OXR1: variants seen among roughly 807,000 people sequenced by gnomAD.
OXR1 encodes oxidation resistance protein 1.
OXR1 carries 41 observed loss-of-function variants against 104.6 expected under a neutral mutation model. The observed-to-expected ratio is 0.39, with a 90% CI of 0.31 to 0.51. The LOEUF (loss-of-function observed/expected upper bound fraction) is 0.51, where lower values mean the gene tolerates loss of function less well. OXR1 is among the 20% of genes least tolerant of loss of function. OXR1 has a pLI of 0.77. For synonymous variants in OXR1, 348 were observed against 348.4 expected, an observed-to-expected ratio of 1.00 and a Z score of 0.01; for missense variants, 955 against 1,031.9, an observed-to-expected ratio of 0.93 and a Z score of 1.02.
Position 106,316,168 on chromosome 8 carries a change from T to C in OXR1, c.-138-43308T>C, listed in dbSNP as rs552431154. On this transcript the variant is annotated intron_variant, in intron 1 of 16. Transcript: ENST00000517566. The stretch of plus-strand genomic sequence containing the variant: ...GAAGAATCTGACAATTTCAGAAATA[T>C]AGGCACACATATCAGATGATTATAT... 8.5e-5 allele frequency among the ~76,000 whole-genome samples: 13 copies of C among 152,310 alleles called. No homozygotes were observed. In the South Asian group the frequency reaches 2.3e-3, roughly 27 times the overall value.
In OXR1 at chr8:106,706,394, G is replaced by C; in HGVS notation, c.873G>C (p.Gln291His). 1 of 1,570,644 alleles carries C rather than the reference G, an allele frequency of 6.4e-7. No individual in the cohort carries two copies. ...TGTTTAATGACAGAGATATAGATCA[G>C]CTATCAGGAAGGGACTTCTGCCATT... Reference protein sequence around the residue: ...IKESLPIDIDQLSGRDFCHSK... With the variant: ...IKESLPIDIDHLSGRDFCHSK... Residue 291 changes from glutamine (Q) to histidine (H), a missense_variant, in exon 9 of 17, where the codon CAG becomes CAC. By Grantham distance (24) the Gln-to-His change is conservative. Around this residue, in one of 2 missense-constraint regions of OXR1, gnomAD observed 849 missense variants for 852.9 expected, o/e 1.00. Coordinates refer to ENST00000517566, the MANE Select transcript of OXR1 (RefSeq NM_001198533.2).
chr8:106,362,774 G>A (rs1816299826), intron 2 of OXR1, among the ~76,000 whole-genome samples: 1 of 152,156 alleles, frequency 6.6e-6, no homozygotes, highest in Non-Finnish European at 1.5e-5. Flanking sequence ...CTAATCTGAG[G>A]GAAAGAATTG....
chr8:106,584,577 C>T (rs897809179), intron 3 of OXR1, among the ~76,000 whole-genome samples: 5 of 151,966 alleles, frequency 3.3e-5, no homozygotes, highest in East Asian at 1.9e-4. Flanking sequence ...CTAGAAGCTA[C>T]GAAGTAAGAG....
rs190369312 is a variant in OXR1, at chr8:106,419,777, C to T, written c.23+60141C>T. On this transcript the variant is annotated intron_variant, in intron 2 of 16. Coordinates refer to ENST00000517566, the MANE Select transcript of OXR1 (RefSeq NM_001198533.2). ...GCCAGTCCCTCTGCAGTAGTATTAG[C>T]TGACAGTTTTATTTTATTTTATGGA... Among the ~76,000 whole-genome samples, 76 of 152,220 alleles carry T rather than the reference C, an allele frequency of 5.0e-4. 2 individuals are homozygous for T. The highest frequency in any genetic ancestry group is 4.6e-3 in the Admixed American group (70 of 15,274).
rs781102577 is a variant in OXR1, at chr8:106,745,884, CTA to C, written c.2486+24_2486+25del. ...GAGGGTAAGTCTCTTGAACATTTCA[CTA>C]TGAGATTTTTGAAGAACTTTAAAAA... On this transcript the variant is annotated intron_variant, in intron 16 of 16. Transcript: ENST00000517566. 6 of 1,355,058 alleles carry C rather than the reference CTA, an allele frequency of 4.4e-6. No homozygotes were observed. In the Admixed American group the frequency reaches 7.5e-5, roughly 17 times the overall value. 83.9% of individuals were successfully genotyped at this position (1,355,058 alleles called of 1,614,324 possible).
chr8:106,405,953 T>C (rs1320037160), intron 2 of OXR1, among the ~76,000 whole-genome samples: 1 of 152,244 alleles, frequency 6.6e-6, no homozygotes, highest in Non-Finnish European at 1.5e-5. Flanking sequence ...AACAAAAGAC[T>C]AATCAACATT....
Position 106,359,645 on chromosome 8 carries a change from A to G in OXR1, c.23+9A>G, listed in dbSNP as rs2130337853. On this transcript the variant is annotated intron_variant, in intron 2 of 16. Coordinates refer to ENST00000517566, the MANE Select transcript of OXR1 (RefSeq NM_001198533.2). ...GTGTCTAATCTATCATGGTGAGTGA[A>G]TGGTTTTCTTGCCTTAAATGTAAAT... is the stretch of plus-strand genomic sequence containing the variant. 1 of 1,540,620 alleles carries G rather than the reference A, an allele frequency of 6.5e-7. No homozygotes were observed. The highest frequency in any genetic ancestry group is 8.8e-7 in the Non-Finnish European group (1 of 1,136,670).
chr8:106,618,283 C>G (rs1173746550), intron 3 of OXR1: 1 of 946,536 alleles, frequency 1.1e-6, no homozygotes, highest in African/African-American at 1.6e-5. Flanking sequence ...TTTTCAAAGT[C>G]CAGATGAGCT....
intron 3 of OXR1, among the ~76,000 whole-genome samples, chr8:106,598,228 T>C (rs1178242738): frequency 3.3e-5 from 5 of 152,200 alleles, no homozygotes; most frequent in African/African-American, 7.2e-5. Context: ...TTCTCCCCTT[T>C]TTGAATTTTT....
chr8:106,732,666 T>G (rs1406959514), intron 11 of OXR1, among the ~76,000 whole-genome samples: 2 of 152,194 alleles, frequency 1.3e-5, no homozygotes, highest in African/African-American at 4.8e-5. Context: ...ACCATGTTGA[T>G]GTAATAGATT....
chr8:106,473,807 A>C (rs910513331), intron 2 of OXR1, among the ~76,000 whole-genome samples: 1 of 150,376 alleles, frequency 6.6e-6, no homozygotes, highest in Non-Finnish European at 1.5e-5. Context: ...TCTTAAGAAA[A>C]ATCAGATACG....
At chr8:106,747,448 C>G (rs1227110482) in intron 16 of OXR1, among the ~76,000 whole-genome samples, 1 of 152,172 alleles carries the variant, frequency 6.6e-6, no homozygotes, top group Non-Finnish European at 1.5e-5. Context: ...AGAATTCTGC[C>G]TGCAGTATCA....
At position 106,359,542 on chromosome 8, in the gene OXR1, G is replaced by C. The variant is rs980558390; in HGVS notation, c.-72G>C. The C allele has an allele frequency of 3.5e-6, 4 of 1,159,138 alleles. No homozygotes were observed. The highest frequency in any genetic ancestry group is 5.1e-6 in the Non-Finnish European group (4 of 788,792). 71.8% of individuals were successfully genotyped at this position (1,159,138 alleles called of 1,614,324 possible). On this transcript the variant is annotated 5_prime_UTR_variant, in exon 2 of 17. Transcript: ENST00000517566. ...TCCAGAAGCAAAGCTAAAATTTTTA[G>C]CGGTGTTGTCGACTTGACCTGCTAA...
At chr8:106,312,522 G>A (rs1813750110) in intron 1 of OXR1, among the ~76,000 whole-genome samples, 1 of 152,156 alleles carries the variant, frequency 6.6e-6, no homozygotes, top group South Asian at 2.1e-4. Context: ...GGAAGAGGTG[G>A]TACAGGGATA....
At chr8:106,444,788 C>G (rs984205943) in intron 2 of OXR1, among the ~76,000 whole-genome samples, 2 of 152,052 alleles carry the variant, frequency 1.3e-5, no homozygotes, top group African/African-American at 4.8e-5. Context: ...ACGTTCTGCA[C>G]ATGTATCCCA....
chr8:106,514,855 T>C (rs1812759314), intron 2 of OXR1, among the ~76,000 whole-genome samples: 1 of 152,138 alleles, frequency 6.6e-6, no homozygotes, highest in Non-Finnish European at 1.5e-5. Context: ...TAATGATAAT[T>C]ATTGCTGAGA....
intron 2 of OXR1, among the ~76,000 whole-genome samples, chr8:106,514,091 T>A (rs1165200251): frequency 1.3e-5 from 2 of 152,168 alleles, no homozygotes; most frequent in Non-Finnish European, 2.9e-5. Context: ...CCATTTTCCT[T>A]TGGGAATGCA....
chr8:106,577,091 C>G (rs955391424), intron 3 of OXR1, among the ~76,000 whole-genome samples: 6 of 152,082 alleles, frequency 3.9e-5, no homozygotes, highest in Non-Finnish European at 8.8e-5. Context: ...TCTAAACTAA[C>G]ATGAACAATT....
Position 106,342,044 on chromosome 8 carries a change from T to TAA in OXR1, c.-138-17422_-138-17421dup, listed in dbSNP as rs35232318. Among the ~76,000 whole-genome samples the TAA allele has an allele frequency of 9.0e-3, 1,316 of 145,622 alleles. 24 individuals carry two copies. The highest frequency in any genetic ancestry group is 0.028 in the African/African-American group (1,101 of 39,158). The stretch of plus-strand genomic sequence containing the variant: ...ATGCATACCACCATGCCCAGCTGAT[T>TAA]AAAAAAAAAAATTCTTTTTTTTTTG... On this transcript the variant is annotated intron_variant, in intron 1 of 16. Coordinates refer to ENST00000517566, the MANE Select transcript of OXR1 (RefSeq NM_001198533.2).
Sources: gnomAD v4.1 joint callset for allele counts (sites outside exome capture counted in the v4.1 genomes callset) on GRCh38, gnomAD v4.1.1 for gene constraint, gnomAD v4.1.1 regional missense constraint, MANE v1.5 for transcripts, NCBI Gene and HGNC (gene_info 2026-07-23, HGNC 2026-07-21) for gene names.